Variants in MEGF11 observed in about 807,000 individuals in gnomAD.
MEGF11 encodes multiple EGF like domains 11, also known as multiple epidermal growth factor-like domains protein 11.
A neutral mutation model predicts 146.6 loss-of-function variants in MEGF11; 126 were observed. That is an observed-to-expected ratio of 0.86 (90% confidence interval 0.74 to 1.00). The LOEUF (loss-of-function observed/expected upper bound fraction) is 1.00, where lower values mean the gene tolerates loss of function less well. Among genes scored for constraint, MEGF11 ranks in the 50% least tolerant of loss-of-function variants. The pLI is 0.00. For missense variants in MEGF11, 1,509 were observed against 1,521.2 expected (o/e 0.99, Z 0.13); for synonymous variants, 532 against 583.4 (o/e 0.91, Z 1.27).
chr15:66,232,031 C>T lies in MEGF11; in HGVS notation c.-9+21574G>A, dbSNP rs559125942. ...CACAGAAGCTAAAGGATTTGCCCCA[C>T]ATTACTGAGATGATGGTGGTAGAGC... On this transcript the variant is annotated intron_variant, in intron 1 of 25. Transcript: ENST00000395614. 4.1e-4 allele frequency among the ~76,000 whole-genome samples: 62 copies of T among 152,328 alleles called. 1 individual carries two copies. The highest frequency in any genetic ancestry group is 1.5e-3 in the African/African-American group (61 of 41,566).
At chr15:65,955,530 G>A (rs1251259428) in intron 10 of MEGF11, among the ~76,000 whole-genome samples, 1 of 149,018 alleles carries the variant, frequency 6.7e-6, no homozygotes, top group East Asian at 2.0e-4. Context: ...GATCACTTGA[G>A]GCCAGGAGTT....
At chr15:65,976,177 G>A (rs2081439915) in intron 7 of MEGF11, among the ~76,000 whole-genome samples, 1 of 151,760 alleles carries the variant, frequency 6.6e-6, no homozygotes, top group South Asian at 2.1e-4. Flanking sequence ...TGAATAGCTG[G>A]GATTACAAGC....
chr15:65,956,585 A>G lies in MEGF11; in HGVS notation c.1287+962T>C, dbSNP rs1450509582. ...CACACTCTTTCAACTGCACAATTGT[A>G]CCACTTCCTACAGCACAATTAAACA... On this transcript the variant is annotated intron_variant, in intron 10 of 25. Coordinates refer to ENST00000395614, the MANE Select transcript of MEGF11 (RefSeq NM_001385028.1). Among the ~76,000 whole-genome samples, 5 of 152,210 alleles carry G rather than the reference A, an allele frequency of 3.3e-5. No homozygotes were observed. The East Asian group carries it at 9.6e-4, about 29-fold the overall frequency.
At chr15:65,968,603 T>C (rs930602389) in intron 8 of MEGF11, among the ~76,000 whole-genome samples, 1 of 152,104 alleles carries the variant, frequency 6.6e-6, no homozygotes, top group African/African-American at 2.4e-5. Flanking sequence ...AAACAACTTA[T>C]TTATTTAGAG....
chr15:65,968,384 G>A (rs2081188946), intron 8 of MEGF11, among the ~76,000 whole-genome samples: 2 of 152,138 alleles, frequency 1.3e-5, no homozygotes, highest in Admixed American at 1.3e-4. Flanking sequence ...CCTGATACCT[G>A]TTCCTTTTCA....
chr15:66,229,091 C>T (rs2091911673), intron 1 of MEGF11, among the ~76,000 whole-genome samples: 2 of 152,126 alleles, frequency 1.3e-5, no homozygotes, highest in African/African-American at 2.4e-5. Flanking sequence ...CATCAAATTG[C>T]CCGGCTTGTG....
intron 1 of MEGF11, among the ~76,000 whole-genome samples, chr15:66,207,914 C>G (rs971775436): frequency 1.3e-5 from 2 of 151,988 alleles, no homozygotes; most frequent in Non-Finnish European, 2.9e-5. Flanking sequence ...AAAACCCTGT[C>G]TCTACTAAAA....
rs2084549697 is a variant in MEGF11, at chr15:66,053,714, A to ATTTTTTTTTT, written c.394+40687_394+40688insAAAAAAAAAA. Among the ~76,000 whole-genome samples the ATTTTTTTTTT allele has an allele frequency of 2.6e-4, 11 of 42,268 alleles. 4 individuals are homozygous for ATTTTTTTTTT. The highest frequency in any genetic ancestry group is 1.3e-4 in the Non-Finnish European group (2 of 15,512). The allele number at this position is 42,268 out of a possible 152,430, so 27.7% of individuals were successfully genotyped here. On this transcript the variant is annotated intron_variant, in intron 5 of 25. Coordinates refer to ENST00000395614, the MANE Select transcript of MEGF11 (RefSeq NM_001385028.1). ...ACTCAGCTCCCCCTCCCCTGGCACCAATTTTTTTTTTTTTTTTTTTTTTTT... is the reference window on the plus strand; with the variant it reads ...ACTCAGCTCCCCCTCCCCTGGCACCATTTTTTTTTTATTTTTTTTTTTTTTTTTTTTTTTT...
In MEGF11 at chr15:66,109,528, C is replaced by T. The variant is rs564699022; in HGVS notation, c.301+9558G>A. ...AACTCATTGAATCTTCACAACAGCC[C>T]GAAGAGGTAGTTACCCAATGGGACT... is the stretch of plus-strand genomic sequence containing the variant. On this transcript the variant is annotated intron_variant, in intron 4 of 25. Coordinates refer to ENST00000395614, the MANE Select transcript of MEGF11 (RefSeq NM_001385028.1). 1.4e-4 allele frequency among the ~76,000 whole-genome samples: 21 copies of T among 152,242 alleles called. No individual in the cohort carries two copies. In the East Asian group the frequency reaches 3.5e-3, roughly 25 times the overall value.
chr15:66,018,954 G>A (rs562975807), intron 5 of MEGF11, among the ~76,000 whole-genome samples: 1 of 152,140 alleles, frequency 6.6e-6, no homozygotes, highest in Non-Finnish European at 1.5e-5. Context: ...TGGCAGAGAG[G>A]GCAGAGTCAT....
At chr15:66,207,585 A>G (rs2091332611) in intron 1 of MEGF11, among the ~76,000 whole-genome samples, 1 of 152,256 alleles carries the variant, frequency 6.6e-6, no homozygotes, top group South Asian at 2.1e-4. Flanking sequence ...AGAACACTAG[A>G]TAAGTAACTT....
intron 4 of MEGF11, 78 bp downstream of exon 4, chr15:66,119,008 C>CCACCT: frequency 1.1e-6 from 1 of 949,450 alleles, no homozygotes; most frequent in Non-Finnish European, 1.6e-6. Flanking sequence ...GATATCAGCC[C>CCACCT]CACCTCCCCT....
chr15:65,977,100 C>T (rs993692724), intron 7 of MEGF11, among the ~76,000 whole-genome samples: 3 of 137,442 alleles, frequency 2.2e-5, no homozygotes, highest in African/African-American at 8.0e-5. Flanking sequence ...ACCTGGGAGG[C>T]GGAGCTTGCA....
chr15:66,124,247 A>T (rs2088215284), intron 2 of MEGF11, among the ~76,000 whole-genome samples: 1 of 152,110 alleles, frequency 6.6e-6, no homozygotes, highest in Non-Finnish European at 1.5e-5. Context: ...CTAAAATTCG[A>T]GTTCATTTGT....
At position 66,052,216 on chromosome 15, in the gene MEGF11, C is replaced by T. The variant is rs1024705273; in HGVS notation, c.394+42186G>A. On this transcript the variant is annotated intron_variant, in intron 5 of 25. Coordinates refer to ENST00000395614, the MANE Select transcript of MEGF11 (RefSeq NM_001385028.1). ...CCTCCCTGCAACGGGCTCATCACTC[C>T]TCATTGCTCTCCAGGTGGGGCTGTG... Among the ~76,000 whole-genome samples, 54 of 152,272 alleles carry T rather than the reference C, an allele frequency of 3.5e-4. 1 individual carries two copies. The highest frequency in any genetic ancestry group is 3.4e-3 in the Middle Eastern group (1 of 294).
chr15:66,119,720 A>T (rs1161136046), intron 3 of MEGF11, among the ~76,000 whole-genome samples: 2 of 151,990 alleles, frequency 1.3e-5, no homozygotes, highest in African/African-American at 4.8e-5. Context: ...TCTCCCCCAC[A>T]CCAAAAATAA....
chr15:65,903,487 C>A (rs1179121941), intron 24 of MEGF11, among the ~76,000 whole-genome samples: 1 of 152,148 alleles, frequency 6.6e-6, no homozygotes, highest in Non-Finnish European at 1.5e-5. Context: ...TTTGGAATGT[C>A]AGAGCTTGAA....
intron 5 of MEGF11, among the ~76,000 whole-genome samples, chr15:66,068,411 C>A (rs142471855): frequency 7.1e-4 from 108 of 152,322 alleles, no homozygotes; most frequent in African/African-American, 2.5e-3. Context: ...ACCAATCGTG[C>A]TCTTTCTCCA....
At chr15:66,181,246 T>G (rs1454798116) in intron 1 of MEGF11, among the ~76,000 whole-genome samples, 1 of 152,210 alleles carries the variant, frequency 6.6e-6, no homozygotes, top group Non-Finnish European at 1.5e-5. Flanking sequence ...AGAATTTGTG[T>G]TGTTGTTGAG....
Sources: gnomAD v4.1 joint callset for allele counts (sites outside exome capture counted in the v4.1 genomes callset) on GRCh38, gnomAD v4.1.1 for gene constraint, MANE v1.5 for transcripts, NCBI Gene and HGNC (gene_info 2026-07-23, HGNC 2026-07-21) for gene names.